DNM3: variants seen among roughly 807,000 people sequenced by gnomAD.
DNM3 encodes dynamin 3, also known as dynamin-3.
DNM3 carries 47 observed loss-of-function variants against 101.6 expected under a neutral mutation model. The observed-to-expected ratio is 0.46, with a 90% CI of 0.37 to 0.59. The LOEUF (loss-of-function observed/expected upper bound fraction) is 0.59. DNM3 is among the 20% of genes least tolerant of loss of function. The pLI, the probability that DNM3 is intolerant of heterozygous loss-of-function variation, is 0.00. For missense variants in DNM3, 849 were observed against 1,085.7 expected (o/e 0.78, Z 3.06); for synonymous variants, 385 against 387.9 (o/e 0.99, Z 0.09).
intron 13 of DNM3, among the ~76,000 whole-genome samples, chr1:172,111,414 A>T (rs2055469430): frequency 6.6e-6 from 1 of 152,270 alleles, no homozygotes; most frequent in East Asian, 1.9e-4. Context: ...ACTTGATAAT[A>T]ATATCAGCCC....
chr1:172,235,865 G>A (rs973357995), intron 14 of DNM3, among the ~76,000 whole-genome samples: 2 of 152,104 alleles, frequency 1.3e-5, no homozygotes, highest in African/African-American at 4.8e-5. Flanking sequence ...AGAGTGGGGA[G>A]GGATAGCATT....
intron 17 of DNM3, among the ~76,000 whole-genome samples, chr1:172,373,759 G>T (rs1199460826): frequency 6.6e-6 from 1 of 151,780 alleles, no homozygotes; most frequent in Non-Finnish European, 1.5e-5. Context: ...AATTTCAGAA[G>T]AATGAGAGAG....
In DNM3 at chr1:172,408,034, G is replaced by A; in HGVS notation, c.*193G>A. The A allele has an allele frequency of 7.0e-7, 1 of 1,433,744 alleles. No homozygotes were observed. Among genetic ancestry groups the A allele is most frequent in the Non-Finnish European group, 9.1e-7 (1 of 1,093,922 alleles). The allele number at this position is 1,433,744 out of a possible 1,614,324, so 88.8% of individuals were successfully genotyped here. On this transcript the variant is annotated 3_prime_UTR_variant, in exon 21 of 21. Transcript: ENST00000627582. ...ACCTTTGGGGTTTGACTCAGAAACT[G>A]CTAACCTTTTAGAGGCTTTATATGT...
At chr1:172,381,524 T>A (rs2068903801) in intron 18 of DNM3, among the ~76,000 whole-genome samples, 1 of 150,664 alleles carries the variant, frequency 6.6e-6, no homozygotes, top group East Asian at 1.9e-4. Context: ...TATATATGTA[T>A]AATTCTATAT....
chr1:171,993,899 A>G (rs895811356), intron 4 of DNM3, among the ~76,000 whole-genome samples: 1 of 151,578 alleles, frequency 6.6e-6, no homozygotes, highest in African/African-American at 2.4e-5. Context: ...GAATTTTTTT[A>G]TTTCAGTTAT....
At chr1:172,041,273 G>C (rs922238396) in intron 7 of DNM3, among the ~76,000 whole-genome samples, 1 of 152,152 alleles carries the variant, frequency 6.6e-6, no homozygotes, top group African/African-American at 2.4e-5. Context: ...GTGGCTCCCT[G>C]CAACTGTTGG....
chr1:172,252,579 G>C (rs9633301), intron 14 of DNM3, among the ~76,000 whole-genome samples: 44,701 of 151,766 alleles, frequency 0.29, 6,793 homozygotes, highest in Middle Eastern at 0.43. Flanking sequence ...CTCTTTCACG[G>C]GTAACACCAG....
At chr1:172,298,338 C>T (rs1189318076) in intron 15 of DNM3, among the ~76,000 whole-genome samples, 2 of 152,156 alleles carry the variant, frequency 1.3e-5, no homozygotes, top group African/African-American at 4.8e-5. Context: ...GGGCTGGTCC[C>T]ACAAGTGTGG....
intron 17 of DNM3, among the ~76,000 whole-genome samples, chr1:172,377,754 G>C (rs1229596707): frequency 3.3e-5 from 5 of 151,624 alleles, no homozygotes; most frequent in African/African-American, 1.2e-4. Flanking sequence ...ATGAGGTCAT[G>C]CTCTCAGGAC....
intron 14 of DNM3, among the ~76,000 whole-genome samples, chr1:172,195,556 A>G (rs11484597): frequency 0.26 from 39,879 of 151,548 alleles, 5,695 homozygotes; most frequent in Middle Eastern, 0.35. Flanking sequence ...TTAGCTCTAT[A>G]GTTTTTTTGT....
chr1:171,910,990 G>A (rs564759208), intron 1 of DNM3, among the ~76,000 whole-genome samples: 1 of 152,264 alleles, frequency 6.6e-6, no homozygotes, highest in South Asian at 2.1e-4. Context: ...CTGTGGTTAA[G>A]GAGTCAACAC....
intron 14 of DNM3, among the ~76,000 whole-genome samples, chr1:172,154,571 A>C (rs1047440612): frequency 1.3e-5 from 2 of 152,138 alleles, no homozygotes; most frequent in African/African-American, 4.8e-5. Flanking sequence ...AGCAGGAAGA[A>C]GATAAACAAG....
At chr1:172,244,009 T>A (rs1440031193) in intron 14 of DNM3, among the ~76,000 whole-genome samples, 1 of 152,130 alleles carries the variant, frequency 6.6e-6, no homozygotes, top group Admixed American at 6.5e-5. Context: ...ATGCTATCCC[T>A]TCCCCCTCCC....
Position 172,164,497 on chromosome 1 carries a change from C to A in DNM3, c.1659+33209C>A, listed in dbSNP as rs116438947. ...CAAATCTTAGTGCAAAAAACTCTGG[C>A]CAGCCAGGCCAGACCATGTATCTGG... On this transcript the variant is annotated intron_variant, in intron 14 of 20. Coordinates refer to ENST00000627582, the MANE Select transcript of DNM3 (RefSeq NM_015569.5). Among the ~76,000 whole-genome samples, 1,083 of 151,966 alleles carry A rather than the reference C, an allele frequency of 7.1e-3. 19 individuals are homozygous for A. The highest frequency in any genetic ancestry group is 0.025 in the African/African-American group (1,035 of 41,476).
chr1:172,105,645 C>T (rs2054959416), intron 13 of DNM3, among the ~76,000 whole-genome samples: 1 of 152,084 alleles, frequency 6.6e-6, no homozygotes, highest in South Asian at 2.1e-4. Context: ...AACTAGAGTT[C>T]TATTTGTTGA....
At chr1:172,228,788 C>A (rs2061230245) in intron 14 of DNM3, among the ~76,000 whole-genome samples, 1 of 152,114 alleles carries the variant, frequency 6.6e-6, no homozygotes. Flanking sequence ...TATAAGACTG[C>A]ACATTTTCTG....
intron 1 of DNM3, among the ~76,000 whole-genome samples, chr1:171,895,964 T>C: frequency 6.6e-6 from 1 of 152,220 alleles, no homozygotes; most frequent in Non-Finnish European, 1.5e-5. Context: ...GGTGGTGTTA[T>C]TTCTGAGGCC....
At chr1:172,074,753 A>G (rs144794920) in intron 11 of DNM3, among the ~76,000 whole-genome samples, 5,652 of 152,190 alleles carry the variant, frequency 0.037, 249 homozygotes, top group East Asian at 0.14. Context: ...CTTTGCTATT[A>G]TGAACAGTGG....
intron 14 of DNM3, among the ~76,000 whole-genome samples, chr1:172,159,199 T>G (rs144657605): frequency 1.7e-4 from 26 of 152,148 alleles, no homozygotes; most frequent in African/African-American, 6.0e-4. Flanking sequence ...AAAGTTATGG[T>G]TGGAGAAAAA....
Sources: gnomAD v4.1 joint callset for allele counts (sites outside exome capture counted in the v4.1 genomes callset) on GRCh38, gnomAD v4.1.1 for gene constraint, MANE v1.5 for transcripts, NCBI Gene and HGNC (gene_info 2026-07-23, HGNC 2026-07-21) for gene names.